The following PAM variants were observed in gnomAD, a reference collection of about 807,000 sequenced individuals.
PAM encodes the protein peptidylglycine alpha-amidating monooxygenase.
PAM carries 72 observed loss-of-function variants against 122.1 expected under a neutral mutation model. The observed-to-expected ratio is 0.59, with a 90% CI of 0.49 to 0.72. PAM has a LOEUF of 0.72. Among genes scored for constraint, PAM ranks in the 30% least tolerant of loss-of-function variants. The pLI is 0.00. For missense variants in PAM, 1,106 were observed against 1,183.7 expected (o/e 0.93, Z 0.96); for synonymous variants, 389 against 404.4 (o/e 0.96, Z 0.46).
In PAM at chr5:102,756,801, G is replaced by A. The variant is rs1750505746; in HGVS notation, c.-374+1453G>A. Among the ~76,000 whole-genome samples the A allele has an allele frequency of 3.3e-5, 5 of 152,180 alleles. No individual in the cohort carries two copies. The South Asian group carries it at 1.0e-3, about 32-fold the overall frequency. On this transcript the variant is annotated intron_variant, in intron 1 of 25. Coordinates refer to ENST00000438793, the MANE Select transcript of PAM (RefSeq NM_001177306.2). ...TCAGCTTTAGAATTGATATTAAATG[G>A]TAAGCCCTGTCGTTCCTGCATTCCT...
chr5:103,018,903 G>A (rs1248098174), intron 22 of PAM, among the ~76,000 whole-genome samples: 1 of 152,040 alleles, frequency 6.6e-6, no homozygotes, highest in Non-Finnish European at 1.5e-5. Flanking sequence ...ATTCCACAAG[G>A]AGCACGCAAC....
chr5:103,030,780 C>T (rs26428), downstream of PAM: 104,826 of 152,154 alleles, frequency 0.69, 36,289 homozygotes, highest in South Asian at 0.85. Flanking sequence ...TGGGCACTCA[C>T]TCTTTCCAGT....
At chr5:102,882,098 TATATATATATATAC>T (rs1791422606) in intron 3 of PAM, among the ~76,000 whole-genome samples, 1 of 82,644 alleles carries the variant, frequency 1.2e-5, no homozygotes, top group African/African-American at 4.7e-5. Context: ...TATATATATA[TATATATATATATAC>T]ACCACATTTT....
At position 102,882,062 on chromosome 5, in the gene PAM, T is replaced by C. The variant is rs1207482226; in HGVS notation, c.210+14669T>C. ...AGTATTCCATCGTGGAATATATATA[T>C]ATATATATATATATATATATATATA... On this transcript the variant is annotated intron_variant, in intron 3 of 25. Coordinates refer to ENST00000438793, the MANE Select transcript of PAM (RefSeq NM_001177306.2). Among the ~76,000 whole-genome samples, 11 of 11,672 alleles carry C rather than the reference T, an allele frequency of 9.4e-4. No individual in the cohort carries two copies. In the East Asian group the frequency reaches 0.024, roughly 26 times the overall value. The allele number at this position is 11,672 out of a possible 152,430, so 7.7% of individuals were successfully genotyped here.
intron 1 of PAM, among the ~76,000 whole-genome samples, chr5:102,842,434 G>C (rs899016200): frequency 6.6e-6 from 1 of 152,088 alleles, no homozygotes; most frequent in African/African-American, 2.4e-5. Context: ...ATAAAGGGAA[G>C]TTTCCCTGCA....
intron 16 of PAM, among the ~76,000 whole-genome samples, chr5:102,996,593 CA>C (rs946972254): frequency 2.0e-5 from 3 of 152,128 alleles, no homozygotes; most frequent in African/African-American, 7.2e-5. Flanking sequence ...TTATTTGCCC[CA>C]TGTAACCGTC....
chr5:102,852,136 T>C (rs1299675268), intron 1 of PAM, among the ~76,000 whole-genome samples: 1 of 152,212 alleles, frequency 6.6e-6, no homozygotes, highest in Non-Finnish European at 1.5e-5. Flanking sequence ...ATGGTGGAAA[T>C]GACTGGCCAG....
intron 1 of PAM, among the ~76,000 whole-genome samples, chr5:102,831,558 G>A (rs1284880452): frequency 6.6e-6 from 1 of 151,924 alleles, no homozygotes; most frequent in African/African-American, 2.4e-5. Context: ...TAATATCCAT[G>A]TGTGTGAAAT....
intron 7 of PAM, among the ~76,000 whole-genome samples, chr5:102,936,140 A>T (rs892728401): frequency 2.6e-5 from 4 of 152,104 alleles, no homozygotes; most frequent in African/African-American, 9.7e-5. Flanking sequence ...AAATACTACA[A>T]AGTGTTATTT....
chr5:102,870,845 T>G (rs1481095679), intron 3 of PAM, among the ~76,000 whole-genome samples: 1 of 152,182 alleles, frequency 6.6e-6, no homozygotes, highest in Non-Finnish European at 1.5e-5. Context: ...GAGACTCCTC[T>G]TTTAGCACTG....
intron 4 of PAM, among the ~76,000 whole-genome samples, chr5:102,908,732 A>T (rs1017157484): frequency 9.9e-5 from 15 of 151,736 alleles, no homozygotes; most frequent in Non-Finnish European, 1.5e-4. Flanking sequence ...AAAGAAAAAA[A>T]AATAATAAAT....
rs755377607 is a variant in PAM, at chr5:103,025,230, C to T, written c.2585C>T (p.Ser862Leu). Residue 862 changes from serine (S) to leucine (L), a missense_variant, in exon 24 of 26, where the codon TCG becomes TTG. Physicochemically the swap from Ser to Leu is moderately radical, Grantham distance 145. This residue lies in a region of PAM where 333 missense variants were observed against 335.6 expected (regional missense o/e 0.99). Coordinates refer to ENST00000438793, the MANE Select transcript of PAM (RefSeq NM_001177306.2). Reference sequence around the variant, plus strand: ...CAGAAACTGATCAAAGAGCCAGGCTCGGGAGTGCCTGTTGTTCTCATTACA... The same window carrying T: ...CAGAAACTGATCAAAGAGCCAGGCTTGGGAGTGCCTGTTGTTCTCATTACA... ...EKQKLIKEPG[S>L]GVPVVLITTL... 1.9e-5 allele frequency: 31 copies of T among 1,613,540 alleles called. No individual in the cohort carries two copies. Among genetic ancestry groups the T allele is most frequent in the Middle Eastern group, 1.6e-4 (1 of 6,082 alleles).
rs921014110 is a variant in PAM, at chr5:102,794,143, A to G, written c.-374+38795A>G. ...TAGAACTATTTTAATGATAGTTTAA[A>G]CATGTATACCTGTTACTGGTTATTT... On this transcript the variant is annotated intron_variant, in intron 1 of 25. Transcript: ENST00000438793. Among the ~76,000 whole-genome samples the G allele has an allele frequency of 5.3e-5, 8 of 152,220 alleles. No individual in the cohort carries two copies. In the East Asian group the frequency reaches 1.5e-3, roughly 29 times the overall value.
chr5:102,974,480 C>A, intron 15 of PAM, 44 bp downstream of exon 15: 3 of 1,293,602 alleles, frequency 2.3e-6, no homozygotes, highest in South Asian at 1.4e-5. Flanking sequence ...TGAAATGCTA[C>A]AATCCACGTT....
At chr5:102,884,865 C>T (rs2151185589) in intron 3 of PAM, among the ~76,000 whole-genome samples, 1 of 151,946 alleles carries the variant, frequency 6.6e-6, no homozygotes, top group African/African-American at 2.4e-5. Flanking sequence ...AAGCTCACAG[C>T]ACTTTTAAAG....
At chr5:102,923,601 G>C (rs910386722) in intron 5 of PAM, among the ~76,000 whole-genome samples, 2 of 152,162 alleles carry the variant, frequency 1.3e-5, no homozygotes, top group African/African-American at 2.4e-5. Context: ...AAAAAGCTGA[G>C]ATATATTGTA....
chr5:102,957,886 T>A (rs551528151), intron 12 of PAM, among the ~76,000 whole-genome samples: 50 of 152,252 alleles, frequency 3.3e-4, no homozygotes, highest in African/African-American at 1.1e-3. Flanking sequence ...CAAAGTTTTG[T>A]GGTAATAATT....
intron 5 of PAM, 24 bp downstream of exon 5, chr5:102,914,045 T>G: frequency 8.2e-7 from 1 of 1,218,228 alleles, no homozygotes; most frequent in Non-Finnish European, 1.2e-6. Context: ...GTTTACAGTA[T>G]AGAAGGGTGT....
chr5:102,784,182 C>G (rs1159618020), intron 1 of PAM, among the ~76,000 whole-genome samples: 3 of 151,578 alleles, frequency 2.0e-5, no homozygotes, highest in African/African-American at 7.3e-5. Flanking sequence ...CGTGAGCCAC[C>G]GCGCCCGGCT....
Sources: gnomAD v4.1 joint callset for allele counts (sites outside exome capture counted in the v4.1 genomes callset) on GRCh38, gnomAD v4.1.1 for gene constraint, gnomAD v4.1.1 regional missense constraint, MANE v1.5 for transcripts, NCBI Gene and HGNC (gene_info 2026-07-23, HGNC 2026-07-21) for gene names.